NAV2: variants seen among roughly 807,000 people sequenced by gnomAD.
NAV2 encodes helicase, APC down-regulated 1.
Under a neutral mutation model 223.2 loss-of-function variants are expected in NAV2, and 54 were observed. The observed-to-expected ratio is 0.24, with a 90% CI of 0.19 to 0.30. The LOEUF is 0.30. Among genes scored for constraint, NAV2 ranks in the 10% least tolerant of loss-of-function variants. The probability of loss-of-function intolerance (pLI) is 1.00; values close to 1 mark genes in which losing one functional copy is unlikely to be tolerated. For missense variants in NAV2, 2,806 were observed against 3,147.5 expected, an observed-to-expected ratio of 0.89 and a Z score of 2.60; for synonymous variants, 1,279 against 1,239.3, an observed-to-expected ratio of 1.03 and a Z score of -0.67.
chr11:19,527,514 C>T (rs574333931), intron 1 of NAV2, among the ~76,000 whole-genome samples: 7 of 152,134 alleles, frequency 4.6e-5, no homozygotes, highest in Non-Finnish European at 1.0e-4. Flanking sequence ...AAGTCTGTAT[C>T]AGGCACCAGT....
chr11:19,655,169 A>G (rs1381901294), intron 1 of NAV2, among the ~76,000 whole-genome samples: 1 of 152,238 alleles, frequency 6.6e-6, no homozygotes, highest in Non-Finnish European at 1.5e-5. Context: ...CATCAGAGAC[A>G]TGCAAATCAA....
chr11:19,670,162 T>C (rs1175294246), intron 1 of NAV2, among the ~76,000 whole-genome samples: 2 of 152,176 alleles, frequency 1.3e-5, no homozygotes, highest in Non-Finnish European at 2.9e-5. Context: ...CGCTGTTGCC[T>C]CTGCCTAGAA....
chr11:19,993,485 C>G (rs1008681187), intron 11 of NAV2, among the ~76,000 whole-genome samples: 3 of 152,206 alleles, frequency 2.0e-5, no homozygotes, highest in African/African-American at 7.2e-5. Context: ...TACCATATGC[C>G]TGCAAGGAGA....
chr11:20,037,352 C>T (rs1004197079), intron 12 of NAV2, among the ~76,000 whole-genome samples: 1 of 145,810 alleles, frequency 6.9e-6, no homozygotes, highest in Non-Finnish European at 1.5e-5. Context: ...AAAGGTATCT[C>T]TTCTTTGACA....
intron 1 of NAV2, among the ~76,000 whole-genome samples, chr11:19,766,704 T>C (rs1475347284): frequency 6.6e-6 from 1 of 152,126 alleles, no homozygotes; most frequent in Non-Finnish European, 1.5e-5. Flanking sequence ...ATGTGAAGCC[T>C]CCTACTCCTG....
intron 12 of NAV2, 110 bp from the exon 13 acceptor site, chr11:20,043,871 G>C (rs1387337745): frequency 5.4e-6 from 5 of 927,096 alleles, no homozygotes; most frequent in Admixed American, 2.2e-5. Context: ...TTAAAGTAAT[G>C]CTTATTTTTC....
intron 1 of NAV2, among the ~76,000 whole-genome samples, chr11:19,442,247 G>A (rs1210275284): frequency 6.6e-6 from 1 of 152,234 alleles, no homozygotes; most frequent in Non-Finnish European, 1.5e-5. Context: ...AATCCTAATG[G>A]TTGAGGAAAG....
At chr11:19,516,616 G>A (rs4757818) in intron 1 of NAV2, among the ~76,000 whole-genome samples, 46,269 of 152,124 alleles carry the variant, frequency 0.3, 8,180 homozygotes, top group Admixed American at 0.4. Flanking sequence ...ATGAGGGTTC[G>A]GGGGAGATGA....
At chr11:20,030,240 G>A (rs373471244) in intron 11 of NAV2, among the ~76,000 whole-genome samples, 3 of 152,266 alleles carry the variant, frequency 2.0e-5, no homozygotes, top group East Asian at 1.9e-4. Context: ...ACCTGGTGAG[G>A]AGAGAAGATG....
At chr11:19,942,852 G>C (rs1210359409) in intron 8 of NAV2, among the ~76,000 whole-genome samples, 1 of 152,162 alleles carries the variant, frequency 6.6e-6, no homozygotes, top group Non-Finnish European at 1.5e-5. Flanking sequence ...GCATGGTGGT[G>C]CATCTCTGTA....
intron 1 of NAV2, among the ~76,000 whole-genome samples, chr11:19,443,497 C>T (rs1271925849): frequency 6.6e-6 from 1 of 152,244 alleles, no homozygotes; most frequent in Non-Finnish European, 1.5e-5. Context: ...ACATGCTGAG[C>T]AAGGACACCT....
At chr11:19,851,683 C>A (rs1022330828) in intron 3 of NAV2, among the ~76,000 whole-genome samples, 3 of 152,208 alleles carry the variant, frequency 2.0e-5, no homozygotes, top group African/African-American at 7.2e-5. Flanking sequence ...TATGGTACAT[C>A]AAAAGATTTT....
intron 1 of NAV2, among the ~76,000 whole-genome samples, chr11:19,408,507 C>A (rs2702631): frequency 0.13 from 19,344 of 152,068 alleles, 1,293 homozygotes; most frequent in Middle Eastern, 0.15. Context: ...TTTGGGAATC[C>A]CCTTGGCAGT....
intron 8 of NAV2, among the ~76,000 whole-genome samples, chr11:19,943,244 C>T (rs543097217): frequency 6.6e-6 from 1 of 152,234 alleles, no homozygotes; most frequent in Non-Finnish European, 1.5e-5. Context: ...TAAAAGATTT[C>T]ACTGATGGCC....
At chr11:19,985,642 T>C (rs1041329772) in intron 11 of NAV2, among the ~76,000 whole-genome samples, 7 of 152,114 alleles carry the variant, frequency 4.6e-5, no homozygotes, top group African/African-American at 1.7e-4. Flanking sequence ...AGTGGCATGA[T>C]CCTGGCTTAC....
chr11:19,681,699 A>G (rs1408051217), intron 1 of NAV2, among the ~76,000 whole-genome samples: 1 of 152,172 alleles, frequency 6.6e-6, no homozygotes, highest in Non-Finnish European at 1.5e-5. Flanking sequence ...GGATTGGAGT[A>G]CAGGAAATCT....
intron 1 of NAV2, among the ~76,000 whole-genome samples, chr11:19,521,400 C>A (rs758522805): frequency 6.6e-6 from 1 of 152,136 alleles, no homozygotes; most frequent in African/African-American, 2.4e-5. Context: ...TTAGAATCCA[C>A]GGCCAAATCG....
rs184488901 is a variant in NAV2, at chr11:19,931,155, C to T, written c.932-2021C>T. Among the ~76,000 whole-genome samples the T allele has an allele frequency of 2.6e-3, 396 of 152,246 alleles. 1 individual carries two copies. The highest frequency in any genetic ancestry group is 8.9e-3 in the African/African-American group (370 of 41,538). On this transcript the variant is annotated intron_variant, in intron 6 of 37. Coordinates refer to ENST00000349880, the MANE Select transcript of NAV2 (RefSeq NM_145117.5). ...TTTCACAATGTGCTGAGCACTGAGCCTCCTGACACCAAGCAGGCCGCTGAT... is the reference window on the plus strand; with the variant it reads ...TTTCACAATGTGCTGAGCACTGAGCTTCCTGACACCAAGCAGGCCGCTGAT...
intron 6 of NAV2, among the ~76,000 whole-genome samples, chr11:19,918,448 G>A (rs1047642640): frequency 1.1e-4 from 17 of 152,220 alleles, no homozygotes; most frequent in African/African-American, 3.9e-4. Flanking sequence ...TGGACTGGGA[G>A]GTGACTTGTA....
Sources: allele counts gnomAD v4.1 joint callset (sites outside exome capture counted in the v4.1 genomes callset), GRCh38; gene constraint gnomAD v4.1.1; transcripts MANE v1.5; gene names NCBI Gene and HGNC (gene_info 2026-07-23, HGNC 2026-07-21).